RALYL: variants seen among roughly 807,000 people sequenced by gnomAD.
RALYL encodes the protein RNA-binding Raly-like protein.
In RALYL, 29 loss-of-function variants were observed where a neutral mutation model predicts 35.1. The ratio of observed to expected loss-of-function variants is 0.83; its 90% confidence interval spans 0.61 to 1.13. The LOEUF is 1.13. Ranked by LOEUF, RALYL falls within the 50% of genes most tolerant of loss-of-function variation. The pLI is 0.00. For missense variants in RALYL, 359 were observed against 360.4 expected (o/e 1.00, Z 0.03); for synonymous variants, 120 against 127.6 (o/e 0.94, Z 0.40).
intron 1 of RALYL, among the ~76,000 whole-genome samples, chr8:84,436,753 C>G (rs1238404472): frequency 3.3e-5 from 5 of 151,238 alleles, no homozygotes; most frequent in Non-Finnish European, 2.9e-5. Flanking sequence ...AACTTTACTG[C>G]AAGATTATAA....
chr8:84,786,986 G>T (rs1371845031), intron 3 of RALYL, among the ~76,000 whole-genome samples: 3 of 151,988 alleles, frequency 2.0e-5, no homozygotes, highest in African/African-American at 7.3e-5. Context: ...TTGTATGGTG[G>T]GAATATAGAT....
chr8:84,756,779 G>GTT (rs397969558), intron 2 of RALYL, among the ~76,000 whole-genome samples: 5,155 of 146,950 alleles, frequency 0.035, 171 homozygotes, highest in African/African-American at 0.08. Flanking sequence ...TGTAAAAGGT[G>GTT]TTTTTTTTTT....
chr8:84,755,799 ACTTAATCATC>A (rs1419108852), intron 2 of RALYL, among the ~76,000 whole-genome samples: 1 of 151,934 alleles, frequency 6.6e-6, no homozygotes, highest in Middle Eastern at 3.2e-3. Flanking sequence ...ATTGTAATCC[ACTTAATCATC>A]CTTCATTGCA....
chr8:84,425,056 C>T (rs1404837379), intron 1 of RALYL, among the ~76,000 whole-genome samples: 1 of 152,206 alleles, frequency 6.6e-6, no homozygotes, highest in Non-Finnish European at 1.5e-5. Context: ...GGCAGACCTC[C>T]TTGAGCTGTG....
chr8:84,671,757 C>A (rs566369289), intron 2 of RALYL, among the ~76,000 whole-genome samples: 1 of 152,324 alleles, frequency 6.6e-6, no homozygotes, highest in South Asian at 2.1e-4. Flanking sequence ...GCCCACGAAA[C>A]CATTTTTTCC....
chr8:84,523,335 G>A (rs2058614740), intron 1 of RALYL, among the ~76,000 whole-genome samples: 1 of 145,344 alleles, frequency 6.9e-6, no homozygotes, highest in Non-Finnish European at 1.5e-5. Context: ...ACTTATTCAT[G>A]AGAACAGCAT....
chr8:84,597,195 A>C (rs1308302763), intron 2 of RALYL, among the ~76,000 whole-genome samples: 1 of 152,142 alleles, frequency 6.6e-6, no homozygotes, highest in African/African-American at 2.4e-5. Context: ...CAGTGGAATA[A>C]GTCCTTTATC....
At chr8:84,698,082 A>C (rs1461559516) in intron 2 of RALYL, among the ~76,000 whole-genome samples, 2 of 152,100 alleles carry the variant, frequency 1.3e-5, no homozygotes. Flanking sequence ...TGGTATCATG[A>C]ACTGGGTACA....
intron 1 of RALYL, among the ~76,000 whole-genome samples, chr8:84,515,454 T>C (rs536562182): frequency 2.0e-5 from 3 of 152,326 alleles, no homozygotes; most frequent in African/African-American, 7.2e-5. Context: ...TATATTCCTT[T>C]CAATGTGGTT....
chr8:84,665,434 T>C (rs926102701), intron 2 of RALYL, among the ~76,000 whole-genome samples: 1 of 151,510 alleles, frequency 6.6e-6, no homozygotes, highest in Admixed American at 6.6e-5. Flanking sequence ...ATTTGTCTGG[T>C]CCTGTGCTGT....
rs139879371 is a variant in RALYL at position 84,626,183 on chromosome 8, TAA to T, written c.256+96607_256+96608del. ...TGACTTTTGAACTTTTGTAATTTAC[TAA>T]GTTAGAGAACACTTAATAAGAGCGG... On this transcript the variant is annotated intron_variant, in intron 2 of 8. Transcript: ENST00000521268. Among the ~76,000 whole-genome samples the T allele has an allele frequency of 2.0e-3, 301 of 152,314 alleles. 10 individuals carry two copies. In the East Asian group the frequency reaches 0.053, roughly 27 times the overall value.
chr8:84,741,177 TG>T (rs555385201), intron 2 of RALYL, among the ~76,000 whole-genome samples: 4 of 152,020 alleles, frequency 2.6e-5, no homozygotes, highest in African/African-American at 9.6e-5. Flanking sequence ...AGTAAAGACA[TG>T]GAAGAGAAAG....
chr8:84,684,397 C>A (rs549412297), intron 2 of RALYL, among the ~76,000 whole-genome samples: 20 of 152,072 alleles, frequency 1.3e-4, no homozygotes, highest in Non-Finnish European at 2.5e-4. Context: ...AACAGATATG[C>A]CCAAGGCAAT....
intron 1 of RALYL, among the ~76,000 whole-genome samples, chr8:84,373,773 G>C (rs376248392): frequency 6.6e-6 from 1 of 152,004 alleles, no homozygotes; most frequent in East Asian, 1.9e-4. Context: ...TTGGTAGTTT[G>C]ATAGGAATAA....
chr8:84,242,259 G>T (rs971351346), intron 1 of RALYL, among the ~76,000 whole-genome samples: 9 of 152,064 alleles, frequency 5.9e-5, no homozygotes, highest in African/African-American at 9.7e-5. Flanking sequence ...TCATTGTTGG[G>T]CATTTGGGTT....
intron 2 of RALYL, among the ~76,000 whole-genome samples, chr8:84,554,856 TCAAAA>T (rs1192422972): frequency 2.6e-5 from 4 of 152,210 alleles, no homozygotes; most frequent in African/African-American, 9.7e-5. Context: ...AATTATTTCT[TCAAAA>T]CAAAAGAGTA....
At chr8:84,223,079 CTGCCTTTCCT>C (rs567099195) in intron 1 of RALYL, among the ~76,000 whole-genome samples, 22,120 of 132,876 alleles carry the variant, frequency 0.17, 3,142 homozygotes, top group Non-Finnish European at 0.22. Context: ...TCCCTTTGCC[CTGCCTTTCCT>C]TTCCTTTCCT....
At chr8:84,239,367 C>G (rs887419515) in intron 1 of RALYL, among the ~76,000 whole-genome samples, 6 of 152,120 alleles carry the variant, frequency 3.9e-5, no homozygotes, top group African/African-American at 1.4e-4. Flanking sequence ...GGAAATGTAA[C>G]AAAATCCAAC....
chr8:84,630,681 C>T (rs2131236672), intron 2 of RALYL, among the ~76,000 whole-genome samples: 1 of 152,106 alleles, frequency 6.6e-6, no homozygotes, highest in Non-Finnish European at 1.5e-5. Context: ...TTTTTGCTGA[C>T]ATTACCAAAC....
Sources: allele counts gnomAD v4.1 joint callset (sites outside exome capture counted in the v4.1 genomes callset), GRCh38; gene constraint gnomAD v4.1.1; transcripts MANE v1.5; gene names NCBI Gene and HGNC (gene_info 2026-07-23, HGNC 2026-07-21).